Variants in CSTF3 observed in about 807,000 individuals in gnomAD.
CSTF3 encodes the protein cleavage stimulation factor subunit 3.
A neutral mutation model predicts 105.8 loss-of-function variants in CSTF3; 29 were observed. That is an observed-to-expected ratio of 0.27 (90% confidence interval 0.20 to 0.37). The LOEUF (loss-of-function observed/expected upper bound fraction) is 0.37. Among genes scored for constraint, CSTF3 ranks in the 10% least tolerant of loss-of-function variants. The pLI is 1.00. For missense variants in CSTF3, 357 were observed against 879.3 expected (o/e 0.41, Z 7.51); for synonymous variants, 252 against 281.9 (o/e 0.89, Z 1.06).
intron 17 of CSTF3, among the ~76,000 whole-genome samples, chr11:33,089,192 A>G (rs1234646858): frequency 6.6e-6 from 1 of 152,026 alleles, no homozygotes; most frequent in Non-Finnish European, 1.5e-5. Context: ...ACAAAAAAAT[A>G]CACAAATTAG....
chr11:33,135,756 C>G (rs1855646946), intron 3 of CSTF3, among the ~76,000 whole-genome samples: 1 of 149,310 alleles, frequency 6.7e-6, no homozygotes, highest in South Asian at 2.1e-4. Context: ...AATAGCCAAC[C>G]TTCTTTTTTC....
At chr11:33,148,792 A>T (rs1424612702) in intron 1 of CSTF3, among the ~76,000 whole-genome samples, 1 of 151,768 alleles carries the variant, frequency 6.6e-6, no homozygotes, top group Non-Finnish European at 1.5e-5. Context: ...TCTCAGAATA[A>T]TATTCTTAAA....
intron 3 of CSTF3, 132 bp downstream of exon 3, chr11:33,141,535 C>T: frequency 7.2e-7 from 1 of 1,382,338 alleles, no homozygotes. Flanking sequence ...TCCTTTATAC[C>T]TATTTTACAA....
chr11:33,138,687 CT>C (rs1307130350), intron 3 of CSTF3, among the ~76,000 whole-genome samples: 1 of 151,814 alleles, frequency 6.6e-6, no homozygotes, highest in Non-Finnish European at 1.5e-5. Flanking sequence ...ATAACTATCA[CT>C]TTAAGAATAG....
intron 17 of CSTF3, among the ~76,000 whole-genome samples, chr11:33,088,796 T>C (rs1211071670): frequency 6.6e-6 from 1 of 151,752 alleles, no homozygotes; most frequent in Non-Finnish European, 1.5e-5. Flanking sequence ...TCTCTCTTTT[T>C]TTGGTAGAGA....
intron 1 of CSTF3, among the ~76,000 whole-genome samples, chr11:33,143,804 C>T (rs1855744181): frequency 6.6e-6 from 1 of 151,404 alleles, no homozygotes; most frequent in Admixed American, 6.6e-5. Context: ...TCCTGGCTAA[C>T]ATGGTGAAAC....
intron 3 of CSTF3, 106 bp downstream of exon 3, chr11:33,141,561 C>T (rs764432455): frequency 2.7e-5 from 38 of 1,430,184 alleles, no homozygotes; most frequent in Non-Finnish European, 3.4e-5. Context: ...AGGTAAGACA[C>T]ATTTAAATCC....
chr11:33,161,423 C>G lies in CSTF3; in HGVS notation c.-98G>C, dbSNP rs1238204708. 48 of 1,353,448 alleles carry G rather than the reference C, an allele frequency of 3.5e-5. No individual in the cohort carries two copies. The South Asian group carries it at 5.4e-4, about 15-fold the overall frequency. 83.8% of individuals were successfully genotyped at this position (1,353,448 alleles called of 1,614,324 possible). On this transcript the variant is annotated 5_prime_UTR_variant, in exon 1 of 21. Transcript: ENST00000323959. Reference sequence around the variant, plus strand: ...ACCCCCAAATCAGTAAAGTTACCCCCTGCCCAGCTGAGCCAGACCGCCAAC... The same window carrying G: ...ACCCCCAAATCAGTAAAGTTACCCCGTGCCCAGCTGAGCCAGACCGCCAAC...
At chr11:33,118,574 G>A (rs1326099622) in intron 3 of CSTF3, among the ~76,000 whole-genome samples, 1 of 151,718 alleles carries the variant, frequency 6.6e-6, no homozygotes, top group Non-Finnish European at 1.5e-5. Context: ...GGCTCAATTG[G>A]TTTTGCTACT....
chr11:33,103,309 A>C (rs1855296983), intron 8 of CSTF3, 125 bp from the exon 9 acceptor site: 1 of 472,860 alleles, frequency 2.1e-6, no homozygotes. Context: ...TGTTTAATAA[A>C]GGTTCATACA....
At position 33,125,422 on chromosome 11, in the gene CSTF3, A is replaced by G. The variant is rs527377340; in HGVS notation, c.225+16245T>C. ...GCGTAGGAAGAAGGTGCATTCCTCC[A>G]GAAAGGGTATGAATAAGCTATTACC... is the stretch of plus-strand genomic sequence containing the variant. On this transcript the variant is annotated intron_variant, in intron 3 of 20. Transcript: ENST00000323959. Among the ~76,000 whole-genome samples, 52 of 152,330 alleles carry G rather than the reference A, an allele frequency of 3.4e-4. No homozygotes were observed. The South Asian group carries it at 0.011, about 31-fold the overall frequency.
rs572353091 is a variant in CSTF3 at position 33,145,854 on chromosome 11, A to G, written c.28-3868T>C. Reference sequence around the variant, plus strand: ...AAAGAAATGCAAATATAAACCAGAAAACAAAGATCCAACATTTTATAATTA... The same window carrying G: ...AAAGAAATGCAAATATAAACCAGAAGACAAAGATCCAACATTTTATAATTA... On this transcript the variant is annotated intron_variant, in intron 1 of 20. Transcript: ENST00000323959. 2.0e-5 allele frequency among the ~76,000 whole-genome samples: 3 copies of G among 152,030 alleles called. No homozygotes were observed. The South Asian group carries it at 6.2e-4, about 31-fold the overall frequency.
At chr11:33,129,678 T>C (rs1753716605) in intron 3 of CSTF3, among the ~76,000 whole-genome samples, 1 of 152,212 alleles carries the variant, frequency 6.6e-6, no homozygotes. Context: ...TTCCAAGGTT[T>C]GCTAACAATG....
intron 1 of CSTF3, among the ~76,000 whole-genome samples, chr11:33,159,520 C>T (rs1849909438): frequency 7.4e-6 from 1 of 134,414 alleles, no homozygotes; most frequent in Admixed American, 8.7e-5. Context: ...TCGCTTGAAC[C>T]GGGAGGCGGA....
intron 8 of CSTF3, among the ~76,000 whole-genome samples, chr11:33,104,533 A>G (rs1386670151): frequency 6.6e-6 from 1 of 152,140 alleles, no homozygotes; most frequent in Non-Finnish European, 1.5e-5. Flanking sequence ...ACATTTTGGG[A>G]GGCCGAGGCG....
At chr11:33,095,309 C>A (rs1210184996) in intron 15 of CSTF3, among the ~76,000 whole-genome samples, 2 of 152,202 alleles carry the variant, frequency 1.3e-5, no homozygotes, top group African/African-American at 2.4e-5. Context: ...AATTCCTGGG[C>A]TCAAGTGATC....
At chr11:33,098,458 T>G (rs1855246969) in intron 13 of CSTF3, among the ~76,000 whole-genome samples, 1 of 151,954 alleles carries the variant, frequency 6.6e-6, no homozygotes, top group Non-Finnish European at 1.5e-5. Flanking sequence ...TTGTCAGAGG[T>G]AAGGGCAGAG....
intron 3 of CSTF3, among the ~76,000 whole-genome samples, chr11:33,117,662 A>AGT (rs1554950319): frequency 6.7e-6 from 1 of 149,552 alleles, no homozygotes; most frequent in Non-Finnish European, 1.5e-5. Flanking sequence ...CTCTCAGCAC[A>AGT]ATATATATAT....
intron 15 of CSTF3, among the ~76,000 whole-genome samples, chr11:33,092,919 GGTCCTCTATATCTGGAA>G (rs1190557400): frequency 4.6e-5 from 7 of 152,078 alleles, no homozygotes; most frequent in Admixed American, 4.6e-4. Context: ...AGTCTCAGGA[GGTCCTCTATATCTGGAA>G]GTGGGAAAAT....
Sources: allele counts gnomAD v4.1 joint callset (sites outside exome capture counted in the v4.1 genomes callset), GRCh38; gene constraint gnomAD v4.1.1; transcripts MANE v1.5; gene names NCBI Gene and HGNC (gene_info 2026-07-23, HGNC 2026-07-21).